CSMD1: variants seen among roughly 807,000 people sequenced by gnomAD.
CSMD1 encodes CUB and Sushi multiple domains 1.
Under a neutral mutation model 417.5 loss-of-function variants are expected in CSMD1, and 213 were observed. That is an observed-to-expected ratio of 0.51 (90% CI 0.46 to 0.57). CSMD1 has a LOEUF of 0.57. Ranked by LOEUF, CSMD1 falls within the 20% of genes least tolerant of loss-of-function variation. CSMD1 has a pLI of 0.00. For synonymous variants in CSMD1, 2,862 were observed against 1,736.8 expected (o/e 1.65, Z -16.11); for missense variants, 6,923 against 4,529.7 (o/e 1.53, Z -15.17).
chr8:4,383,033 C>G (rs754630397), intron 3 of CSMD1, among the ~76,000 whole-genome samples: 2 of 152,178 alleles, frequency 1.3e-5, no homozygotes, highest in African/African-American at 2.4e-5. Context: ...GTGGAATATT[C>G]TGGTCTCTGT....
intron 2 of CSMD1, 122 bp from the exon 3 acceptor site, chr8:4,420,187 C>G (rs1217258103): frequency 6.7e-6 from 4 of 599,316 alleles, no homozygotes. Flanking sequence ...TGGCATTAAA[C>G]ACTTAGATAA....
At chr8:3,278,483 T>G (rs1802478674) in intron 26 of CSMD1, 1 of 152,230 alleles carries the variant, frequency 6.6e-6, no homozygotes, top group Non-Finnish European at 1.5e-5. Flanking sequence ...AAATGTCATT[T>G]TTGCTTGGAA....
At chr8:4,826,039 A>C (rs1041304788) in intron 1 of CSMD1, among the ~76,000 whole-genome samples, 1 of 152,204 alleles carries the variant, frequency 6.6e-6, no homozygotes, top group Admixed American at 6.5e-5. Flanking sequence ...TGTCCATTGA[A>C]CATGAAACAG....
intron 1 of CSMD1, among the ~76,000 whole-genome samples, chr8:4,982,737 A>G (rs28440937): frequency 0.2 from 31,122 of 152,174 alleles, 3,915 homozygotes; most frequent in African/African-American, 0.34. Context: ...CACATTTGCT[A>G]GGAGATATAG....
At chr8:3,262,169 A>C (rs1382162399) in intron 26 of CSMD1, among the ~76,000 whole-genome samples, 2 of 132,030 alleles carry the variant, frequency 1.5e-5, no homozygotes, top group African/African-American at 5.9e-5. Context: ...TTATTTCTAA[A>C]ATTATGCTCA....
intron 1 of CSMD1, among the ~76,000 whole-genome samples, chr8:4,988,339 T>C (rs1231765076): frequency 1.3e-5 from 2 of 152,230 alleles, no homozygotes; most frequent in East Asian, 1.9e-4. Context: ...CACTGAAATA[T>C]TCCTTTCCCT....
intron 1 of CSMD1, among the ~76,000 whole-genome samples, chr8:4,725,112 G>C (rs187999882): frequency 5.9e-5 from 9 of 152,112 alleles, no homozygotes; most frequent in African/African-American, 9.6e-5. Context: ...AATGTATCCT[G>C]AAAGGTATAT....
At chr8:4,270,107 C>G (rs1163389981) in intron 3 of CSMD1, among the ~76,000 whole-genome samples, 3 of 152,160 alleles carry the variant, frequency 2.0e-5, no homozygotes, top group Admixed American at 6.6e-5. Context: ...TTTCAGCAAT[C>G]TCTTTCTGAG....
chr8:4,806,462 A>G (rs1252895976), intron 1 of CSMD1, among the ~76,000 whole-genome samples: 1 of 143,254 alleles, frequency 7.0e-6, no homozygotes, highest in Admixed American at 7.4e-5. Context: ...CCTGCTTCCC[A>G]CGCCCATCTG....
chr8:4,988,860 G>A (rs186524746), intron 1 of CSMD1, among the ~76,000 whole-genome samples: 2 of 152,284 alleles, frequency 1.3e-5, no homozygotes, highest in Admixed American at 6.5e-5. Context: ...TTTCCATAAA[G>A]CTCCCTATAA....
At chr8:3,408,283 G>A (rs558915939) in intron 13 of CSMD1, 58 bp from the exon 14 acceptor site, 49 of 1,360,284 alleles carry the variant, frequency 3.6e-5, no homozygotes, top group Non-Finnish European at 4.3e-5. Context: ...GAATTGCCAT[G>A]TGAAACAGAC....
In CSMD1 at chr8:4,878,305, T is replaced by A. The variant is rs2116944007; in HGVS notation, c.85+116027A>T. 3.3e-5 allele frequency among the ~76,000 whole-genome samples: 5 copies of A among 152,126 alleles called. 1 individual carries two copies. The Middle Eastern group carries it at 0.014, about 414-fold the overall frequency. On this transcript the variant is annotated intron_variant, in intron 1 of 69. Coordinates refer to ENST00000635120, the MANE Select transcript of CSMD1 (RefSeq NM_033225.6). ...ACCAACTTAACACAACGCGAGGCAA[T>A]TAGAACTCATCTTTCTGCAGAACTC...
chr8:4,896,556 C>A (rs896625745), intron 1 of CSMD1, among the ~76,000 whole-genome samples: 3 of 152,096 alleles, frequency 2.0e-5, no homozygotes, highest in African/African-American at 7.3e-5. Flanking sequence ...CTTCCTTCAC[C>A]TAACCTTACA....
intron 7 of CSMD1, among the ~76,000 whole-genome samples, chr8:3,639,207 G>T (rs1016558763): frequency 5.9e-5 from 9 of 152,186 alleles, no homozygotes; most frequent in Admixed American, 5.2e-4. Flanking sequence ...AAAGACACAG[G>T]CCTTGAGGTC....
At chr8:3,164,424 A>G (rs1820087571) in intron 37 of CSMD1, among the ~76,000 whole-genome samples, 1 of 152,316 alleles carries the variant, frequency 6.6e-6, no homozygotes, top group South Asian at 2.1e-4. Context: ...AGAAGATAAA[A>G]CTGCTAAATA....
At chr8:4,613,244 G>C (rs754953436) in intron 2 of CSMD1, among the ~76,000 whole-genome samples, 1 of 152,164 alleles carries the variant, frequency 6.6e-6, no homozygotes, top group Non-Finnish European at 1.5e-5. Context: ...ATTGTTGTTT[G>C]TATTTAAATG....
At chr8:3,794,307 A>T (rs572932046) in intron 5 of CSMD1, among the ~76,000 whole-genome samples, 1 of 152,262 alleles carries the variant, frequency 6.6e-6, no homozygotes, top group Non-Finnish European at 1.5e-5. Flanking sequence ...TTCAAACTGA[A>T]AACTCTGCGC....
chr8:4,561,158 T>C (rs1384472717), intron 2 of CSMD1, among the ~76,000 whole-genome samples: 1 of 152,078 alleles, frequency 6.6e-6, no homozygotes, highest in Non-Finnish European at 1.5e-5. Flanking sequence ...GATCATGAGG[T>C]CAGGAGATCA....
chr8:4,430,227 T>G (rs569810366), intron 2 of CSMD1, among the ~76,000 whole-genome samples: 64 of 152,290 alleles, frequency 4.2e-4, no homozygotes, highest in African/African-American at 1.4e-3. Flanking sequence ...AGCTTTCTCA[T>G]GCCATGAATA....
Sources: allele counts gnomAD v4.1 joint callset (sites outside exome capture counted in the v4.1 genomes callset), GRCh38; gene constraint gnomAD v4.1.1; transcripts MANE v1.5; gene names NCBI Gene and HGNC (gene_info 2026-07-23, HGNC 2026-07-21).